ACTR3B: variants seen among roughly 807,000 people sequenced by gnomAD.
The protein encoded by ACTR3B is actin-related protein 3B.
ACTR3B carries 8 observed loss-of-function variants against 59.0 expected under a neutral mutation model. The observed-to-expected ratio is 0.14, with a 90% CI of 0.08 to 0.24. ACTR3B has a LOEUF of 0.24. Among genes scored for constraint, ACTR3B ranks in the 10% least tolerant of loss-of-function variants. The probability of loss-of-function intolerance (pLI) is 1.00; values close to 1 mark genes in which losing one functional copy is unlikely to be tolerated. For missense variants in ACTR3B, 245 were observed against 552.3 expected (o/e 0.44, Z 5.58); for synonymous variants, 148 against 197.9 (o/e 0.75, Z 2.12).
intron 1 of ACTR3B, among the ~76,000 whole-genome samples, chr7:152,774,293 C>T (rs888837775): frequency 1.3e-5 from 2 of 152,172 alleles, no homozygotes; most frequent in African/African-American, 4.8e-5. Flanking sequence ...TGCGCCACCG[C>T]ACCCGACTAG....
intron 9 of ACTR3B, among the ~76,000 whole-genome samples, chr7:152,844,644 T>A (rs190570141): frequency 6.6e-6 from 1 of 151,600 alleles, no homozygotes; most frequent in Non-Finnish European, 1.5e-5. Flanking sequence ...GAAATCCAGC[T>A]CTCAGTTTGG....
chr7:152,788,010 C>T lies in ACTR3B; in HGVS notation c.100+4768C>T, dbSNP rs545579151. Among the ~76,000 whole-genome samples the T allele has an allele frequency of 2.4e-4, 36 of 152,012 alleles. No individual in the cohort carries two copies. The South Asian group carries it at 6.2e-3, about 26-fold the overall frequency. ...CGTGATCTTGGCTCATTGCAACCTC[C>T]GCCTCCCAGGTTCAAATGATTCTCC... On this transcript the variant is annotated intron_variant, in intron 2 of 11. Coordinates refer to ENST00000256001, the MANE Select transcript of ACTR3B (RefSeq NM_020445.6).
intron 9 of ACTR3B, among the ~76,000 whole-genome samples, chr7:152,835,764 T>A (rs1053419931): frequency 1.3e-5 from 2 of 152,232 alleles, no homozygotes; most frequent in African/African-American, 4.8e-5. Context: ...TATTTTTTTC[T>A]CCATAACATT....
chr7:152,789,997 C>CTTT (rs756068314), intron 2 of ACTR3B, among the ~76,000 whole-genome samples: 1,772 of 102,512 alleles, frequency 0.017, 32 homozygotes, highest in African/African-American at 0.049. Context: ...TGTACTCTTT[C>CTTT]TTTTTTTTTT....
At chr7:152,774,454 T>A (rs991569149) in intron 1 of ACTR3B, among the ~76,000 whole-genome samples, 35 of 152,314 alleles carry the variant, frequency 2.3e-4, no homozygotes, top group African/African-American at 7.7e-4. Context: ...TTTTTTTTAA[T>A]TTTTAAAATA....
At position 152,847,133 on chromosome 7, in the gene ACTR3B, C is replaced by G. The variant is rs187420773; in HGVS notation, c.952-4993C>G. 1.3e-3 allele frequency among the ~76,000 whole-genome samples: 183 copies of G among 139,686 alleles called. 1 individual carries two copies. Among genetic ancestry groups the G allele is most frequent in the African/African-American group, 4.7e-3 (173 of 36,558 alleles). The allele number at this position is 139,686 out of a possible 152,430, so 91.6% of individuals were successfully genotyped here. On this transcript the variant is annotated intron_variant, in intron 9 of 11. Coordinates refer to ENST00000256001, the MANE Select transcript of ACTR3B (RefSeq NM_020445.6). ...TGTCCGGGCTGTAGTCTGTAGTGAG[C>G]TCTAGTGCCCGGGGCTGCAGTCTGT...
intron 9 of ACTR3B, among the ~76,000 whole-genome samples, chr7:152,836,248 A>G (rs1797447050): frequency 6.6e-6 from 1 of 152,216 alleles, no homozygotes; most frequent in South Asian, 2.1e-4. Context: ...GGCTCAGTAA[A>G]TATTTGTTAA....
At chr7:152,812,521 A>G (rs1795351994) in intron 4 of ACTR3B, 1 of 139,792 alleles carries the variant, frequency 7.2e-6, no homozygotes, top group Admixed American at 7.8e-5. Flanking sequence ...TTTTCTCCTT[A>G]GTATTTTATT....
intron 7 of ACTR3B, among the ~76,000 whole-genome samples, chr7:152,822,033 G>C (rs1292022980): frequency 6.6e-6 from 1 of 152,236 alleles, no homozygotes; most frequent in Non-Finnish European, 1.5e-5. Context: ...ATGTTGACCA[G>C]GCCTGTGAGG....
chr7:152,829,142 G>A (rs1287958838), intron 9 of ACTR3B, among the ~76,000 whole-genome samples: 1 of 151,816 alleles, frequency 6.6e-6, no homozygotes, highest in Non-Finnish European at 1.5e-5. Context: ...TATGTACATC[G>A]TGGAATGCTT....
chr7:152,845,763 C>T (rs1413776596), intron 9 of ACTR3B, among the ~76,000 whole-genome samples: 1 of 152,224 alleles, frequency 6.6e-6, no homozygotes, highest in Admixed American at 6.5e-5. Context: ...GGATGATCTG[C>T]CATCGGCCAG....
intron 1 of ACTR3B, among the ~76,000 whole-genome samples, chr7:152,772,525 A>C (rs1324738573): frequency 1.3e-5 from 2 of 151,896 alleles, no homozygotes; most frequent in African/African-American, 4.8e-5. Context: ...ACTCTGGCTC[A>C]AAAGGAAAAA....
chr7:152,793,970 T>G (rs969215802), intron 2 of ACTR3B, among the ~76,000 whole-genome samples: 1 of 151,984 alleles, frequency 6.6e-6, no homozygotes, highest in Non-Finnish European at 1.5e-5. Flanking sequence ...AAGTGGGGAC[T>G]GTGGTATGTT....
chr7:152,797,014 G>A (rs1322823148), intron 2 of ACTR3B, among the ~76,000 whole-genome samples: 1 of 151,320 alleles, frequency 6.6e-6, no homozygotes, highest in African/African-American at 2.4e-5. Flanking sequence ...CACTGTGCCC[G>A]GCCTAGAAAC....
chr7:152,792,282 C>T (rs1227748528), intron 2 of ACTR3B, among the ~76,000 whole-genome samples: 2 of 152,132 alleles, frequency 1.3e-5, no homozygotes, highest in Admixed American at 6.6e-5. Flanking sequence ...AACTGCCAGA[C>T]ATAATTTAGA....
In ACTR3B at chr7:152,854,749, G is replaced by C; in HGVS notation, c.*196G>C. 3.7e-6 allele frequency: 2 copies of C among 538,234 alleles called. No individual in the cohort carries two copies. The highest frequency in any genetic ancestry group is 6.6e-6 in the Non-Finnish European group (2 of 302,584). The allele number at this position is 538,234 out of a possible 1,614,324, so 33.3% of individuals were successfully genotyped here. ...TCCGTGTGCCGACCGCTGTCTGCCAGCCTCCTCCTTCTCCCGCCCTCCTCA... is the reference window on the plus strand; with the variant it reads ...TCCGTGTGCCGACCGCTGTCTGCCACCCTCCTCCTTCTCCCGCCCTCCTCA... On this transcript the variant is annotated 3_prime_UTR_variant, in exon 12 of 12. Transcript: ENST00000256001. The surrounding 1 kb of genome is among the most constrained non-coding windows in gnomAD (Gnocchi z 4.9).
chr7:152,812,017 G>GTTTTTTTT (rs1156557265), intron 4 of ACTR3B: 3 of 45,450 alleles, frequency 6.6e-5, no homozygotes, highest in African/African-American at 1.9e-4. Context: ...GAAAATAAAA[G>GTTTTTTTT]TCTTTTTTTT....
chr7:152,820,542 C>T, intron 7 of ACTR3B, 100 bp downstream of exon 7: 2 of 1,478,322 alleles, frequency 1.4e-6, no homozygotes, highest in Non-Finnish European at 1.8e-6. Context: ...TTTCCTTCCT[C>T]TCCCCTTCCC....
chr7:152,835,394 G>A (rs981930243), intron 9 of ACTR3B, among the ~76,000 whole-genome samples: 5 of 152,340 alleles, frequency 3.3e-5, no homozygotes, highest in African/African-American at 7.2e-5. Context: ...GAAGTGAATG[G>A]TGCAATGAAG....
Sources: gnomAD v4.1 joint callset for allele counts (sites outside exome capture counted in the v4.1 genomes callset) on GRCh38, gnomAD v4.1.1 for gene constraint, Gnocchi (gnomAD v3.1) non-coding constraint, MANE v1.5 for transcripts, NCBI Gene and HGNC (gene_info 2026-07-23, HGNC 2026-07-21) for gene names.